The following IPO5 variants were observed in gnomAD, a reference collection of about 807,000 sequenced individuals.
The protein encoded by IPO5 is importin-5.
A neutral mutation model predicts 143.3 loss-of-function variants in IPO5; 18 were observed. That is an observed-to-expected ratio of 0.13 (90% CI 0.09 to 0.19). IPO5 has a LOEUF of 0.19. Ranked by LOEUF, IPO5 falls within the 10% of genes least tolerant of loss-of-function variation. The pLI is 1.00. For synonymous variants in IPO5, 477 were observed against 465.7 expected (o/e 1.02, Z -0.31); for missense variants, 1,013 against 1,336.9 (o/e 0.76, Z 3.78).
At chr13:98,004,898 T>A (rs946211479) in intron 16 of IPO5, among the ~76,000 whole-genome samples, 1 of 151,772 alleles carries the variant, frequency 6.6e-6, no homozygotes, top group African/African-American at 2.4e-5. Flanking sequence ...TTATTTTATT[T>A]ATTTATTTAT....
Position 97,992,942 on chromosome 13 carries a change from CGTT to C in IPO5, c.722_724del (p.Val241del), listed in dbSNP as rs1887921393. The C allele has an allele frequency of 6.2e-7, 1 of 1,613,580 alleles. No individual in the cohort carries two copies. Among genetic ancestry groups the C allele is most frequent in the African/African-American group, 1.3e-5 (1 of 74,918 alleles). On this transcript the variant is annotated inframe_deletion, in exon 10 of 29. Coordinates refer to ENST00000651721, the MANE Select transcript of IPO5 (RefSeq NM_002271.6). ...ATGATGATTCTGTCCTAAAATCCCT[CGTT>C]GAGATTGCAGATACTGTTCCAAAGT...
chr13:97,974,388 C>A (rs1413516159), intron 3 of IPO5, among the ~76,000 whole-genome samples: 1 of 151,336 alleles, frequency 6.6e-6, no homozygotes, highest in East Asian at 2.0e-4. Flanking sequence ...CTCACTGTAA[C>A]CTCCACCTCC....
At chr13:97,980,688 G>A (rs553847161) in intron 4 of IPO5, among the ~76,000 whole-genome samples, 28 of 152,198 alleles carry the variant, frequency 1.8e-4, no homozygotes, top group South Asian at 1.0e-3. Context: ...TTAGCCGGGC[G>A]CGGTGGCAGG....
chr13:98,001,272 TTG>T (rs1157880360), intron 13 of IPO5, among the ~76,000 whole-genome samples: 1 of 152,244 alleles, frequency 6.6e-6, no homozygotes, highest in South Asian at 2.1e-4. Flanking sequence ...TTATTTTCAT[TTG>T]TGTTTTTTAA....
chr13:98,012,880 A>G (rs181604526), intron 21 of IPO5, among the ~76,000 whole-genome samples: 1 of 149,710 alleles, frequency 6.7e-6, no homozygotes, highest in Admixed American at 6.7e-5. Context: ...TCCTGGGCTC[A>G]AGCAGTCCTC....
chr13:97,985,680 TGGAATC>T, intron 6 of IPO5, 67 bp downstream of exon 6: 1 of 886,504 alleles, frequency 1.1e-6, no homozygotes, highest in Non-Finnish European at 1.8e-6. Flanking sequence ...TTTTTTTTAA[TGGAATC>T]TTTTAGAGTA....
chr13:97,988,391 T>TTTTCAACTC (rs1435012947), intron 6 of IPO5, among the ~76,000 whole-genome samples: 2 of 152,226 alleles, frequency 1.3e-5, no homozygotes, highest in East Asian at 3.8e-4. Flanking sequence ...CTTTGCCTAC[T>TTTTCAACTC]TTTTCAACTC....
chr13:97,990,292 A>C, intron 8 of IPO5, 70 bp downstream of exon 8: 1 of 1,221,232 alleles, frequency 8.2e-7, no homozygotes, highest in Non-Finnish European at 1.2e-6. Flanking sequence ...TTAGTATATT[A>C]GGAGGTTGTT....
rs757575593 is a variant in IPO5, at chr13:98,009,952, A to T, written c.1872A>T (p.Pro624=). 2 of 1,614,048 alleles carry T rather than the reference A, an allele frequency of 1.2e-6. No individual in the cohort carries two copies. The highest frequency in any genetic ancestry group is 1.7e-6 in the Non-Finnish European group (2 of 1,179,926). ...GAAAAGAATTTCAGCAATACCTTCC[A>T]GTGGTTATGGGGCCTTTAATGAAGA... The part of the protein sequence containing the change: ...ILGKEFQQYL[P]VVMGPLMKTA... The change falls in exon 19 of 29, where the codon CCA becomes CCT. Residue 624 remains proline, a synonymous_variant. Transcript: ENST00000651721.
chr13:98,014,342 A>G (rs1296588732), intron 22 of IPO5, 128 bp downstream of exon 22: 3 of 614,152 alleles, frequency 4.9e-6, no homozygotes, highest in South Asian at 2.2e-5. Flanking sequence ...CAGTGGCGCA[A>G]TCGCAGCTCA....
chr13:98,014,028 C>T lies in IPO5; in HGVS notation c.2153-14C>T. On this transcript the variant is annotated splice_polypyrimidine_tract_variant and intron_variant, in intron 21 of 28. Transcript: ENST00000651721. ...AATAATAAACAGTCTTTTGAGGTTCCTTAACAATGAAACGTGTTCGAGTGG... is the reference window on the plus strand; with the variant it reads ...AATAATAAACAGTCTTTTGAGGTTCTTTAACAATGAAACGTGTTCGAGTGG... 1 of 1,603,140 alleles carries T rather than the reference C, an allele frequency of 6.2e-7. No homozygotes were observed. The highest frequency in any genetic ancestry group is 1.1e-5 in the South Asian group (1 of 88,848).
intron 9 of IPO5, among the ~76,000 whole-genome samples, chr13:97,991,808 A>T (rs1284410617): frequency 6.6e-6 from 1 of 152,262 alleles, no homozygotes; most frequent in Non-Finnish European, 1.5e-5. Flanking sequence ...AGATCATTAT[A>T]AAGAGTTTTC....
chr13:97,957,236 TGCC>T (rs1400016545), intron 2 of IPO5, among the ~76,000 whole-genome samples: 1 of 152,092 alleles, frequency 6.6e-6, no homozygotes, highest in Admixed American at 6.6e-5. Context: ...CTCATTTTGT[TGCC>T]CAGGCTGGAG....
In IPO5 at chr13:97,992,921, T is replaced by G. The variant is rs75755755; in HGVS notation, c.699T>G (p.Asp233Glu). 33 of 1,613,358 alleles carry G rather than the reference T, an allele frequency of 2.0e-5. No homozygotes were observed. Among genetic ancestry groups the G allele is most frequent in the Non-Finnish European group, 2.7e-5 (32 of 1,179,434 alleles). The change falls in exon 10 of 29, where the codon GAT becomes GAG. Residue 233 changes from aspartate (D) to glutamate (E), a missense_variant. Coordinates refer to ENST00000651721, the MANE Select transcript of IPO5 (RefSeq NM_002271.6). ...TAAATGACTCGTGCTACCAGAATGA[T>G]GATTCTGTCCTAAAATCCCTCGTTG... is the stretch of plus-strand genomic sequence containing the variant. The part of the protein sequence containing the change: ...QAVNDSCYQN[D>E]DSVLKSLVEI...
intron 4 of IPO5, among the ~76,000 whole-genome samples, chr13:97,978,085 A>G (rs1456342870): frequency 2.6e-5 from 4 of 152,118 alleles, no homozygotes; most frequent in African/African-American, 9.7e-5. Context: ...GTGAAAAAGC[A>G]TTTTCTACTA....
chr13:98,004,720 G>A (rs1396785902), intron 16 of IPO5, among the ~76,000 whole-genome samples: 1 of 152,124 alleles, frequency 6.6e-6, no homozygotes, highest in African/African-American at 2.4e-5. Flanking sequence ...TGGAGCAGAG[G>A]TTGAGGTACA....
At chr13:97,968,818 G>GT (rs1354057738) in intron 2 of IPO5, among the ~76,000 whole-genome samples, 5 of 151,754 alleles carry the variant, frequency 3.3e-5, no homozygotes, top group Admixed American at 6.6e-5. Flanking sequence ...AGCCTCCCAG[G>GT]TAACAGAGTA....
chr13:97,967,873 C>A (rs565292052), intron 2 of IPO5, among the ~76,000 whole-genome samples: 1 of 152,234 alleles, frequency 6.6e-6, no homozygotes, highest in East Asian at 1.9e-4. Context: ...CCTTGTGATC[C>A]GCCCACCTCG....
Position 98,023,401 on chromosome 13 carries a change from T to C in IPO5, c.*1579T>C, listed in dbSNP as rs1207276246. The C allele has an allele frequency of 6.6e-6, 1 of 152,206 alleles. No individual in the cohort carries two copies. The highest frequency in any genetic ancestry group is 2.4e-5 in the African/African-American group (1 of 41,440). The allele number at this position is 152,206 out of a possible 1,614,324, so 9.4% of individuals were successfully genotyped here. ...TCAAGACAACCCCTTTCTGCTTTCT[T>C]ATGTAGCATCTGCAAAGCCGATTCA... On this transcript the variant is annotated 3_prime_UTR_variant, in exon 29 of 29. Coordinates refer to ENST00000651721, the MANE Select transcript of IPO5 (RefSeq NM_002271.6).
Sources: gnomAD v4.1 joint callset for allele counts (sites outside exome capture counted in the v4.1 genomes callset) on GRCh38, gnomAD v4.1.1 for gene constraint, MANE v1.5 for transcripts, NCBI Gene and HGNC (gene_info 2026-07-23, HGNC 2026-07-21) for gene names.